RBFOX1: variants seen among roughly 807,000 people sequenced by gnomAD.
RBFOX1 encodes RNA binding fox-1 homolog 1, also known as RNA binding protein fox-1 homolog 1.
A neutral mutation model predicts 57.7 loss-of-function variants in RBFOX1; 8 were observed. The observed-to-expected ratio is 0.14, with a 90% CI of 0.08 to 0.25. The LOEUF (loss-of-function observed/expected upper bound fraction) is 0.25, where lower values mean the gene tolerates loss of function less well. RBFOX1 is among the 10% of genes least tolerant of loss of function. The pLI is 1.00. For missense variants in RBFOX1, 611 were observed against 548.5 expected (o/e 1.11, Z -1.14); for synonymous variants, 326 against 222.4 (o/e 1.47, Z -4.15).
chr16:5,526,528 A>T (rs2044252778), intron 2 of RBFOX1, among the ~76,000 whole-genome samples: 1 of 152,082 alleles, frequency 6.6e-6, no homozygotes, highest in Non-Finnish European at 1.5e-5. Context: ...GCCTCAAGAG[A>T]TCTGCCCACC....
chr16:6,171,828 A>T, intron 1 of RBFOX1, among the ~76,000 whole-genome samples: 1 of 151,418 alleles, frequency 6.6e-6, no homozygotes, highest in African/African-American at 2.4e-5. Flanking sequence ...TTATTTATTT[A>T]TTTATTCTTT....
intron 5 of RBFOX1, among the ~76,000 whole-genome samples, chr16:7,526,370 G>A (rs1296491443): frequency 6.6e-6 from 1 of 152,156 alleles, no homozygotes; most frequent in African/African-American, 2.4e-5. Context: ...GGTCAGTTAA[G>A]GCCTGGCCTC....
intron 1 of RBFOX1, among the ~76,000 whole-genome samples, chr16:6,185,722 G>T (rs554481182): frequency 6.6e-6 from 1 of 152,180 alleles, no homozygotes; most frequent in South Asian, 2.1e-4. Flanking sequence ...AATAAAACTT[G>T]GAGAAAGACT....
At chr16:6,896,641 A>G (rs572394251) in intron 3 of RBFOX1, among the ~76,000 whole-genome samples, 7 of 152,314 alleles carry the variant, frequency 4.6e-5, no homozygotes, top group African/African-American at 1.4e-4. Context: ...TTTCAAACGC[A>G]CTTAGAACAG....
chr16:5,994,373 G>A (rs1215583392), intron 4 of RBFOX1, among the ~76,000 whole-genome samples: 1 of 152,212 alleles, frequency 6.6e-6, no homozygotes, highest in Non-Finnish European at 1.5e-5. Flanking sequence ...TATTGGCCAG[G>A]CTGGTCTCGA....
chr16:5,723,330 T>G (rs187932319), intron 3 of RBFOX1, among the ~76,000 whole-genome samples: 11 of 152,310 alleles, frequency 7.2e-5, no homozygotes, highest in Admixed American at 7.2e-4. Flanking sequence ...ATCTCAGGTC[T>G]GATTTTGAGA....
At chr16:6,545,773 G>T (rs999510664) in intron 2 of RBFOX1, among the ~76,000 whole-genome samples, 2 of 152,200 alleles carry the variant, frequency 1.3e-5, no homozygotes, top group African/African-American at 4.8e-5. Context: ...TGGCATCTTT[G>T]TGAGGAAGGC....
At chr16:5,997,382 A>G (rs1000750736) in intron 4 of RBFOX1, among the ~76,000 whole-genome samples, 4 of 152,240 alleles carry the variant, frequency 2.6e-5, no homozygotes, top group African/African-American at 4.8e-5. Flanking sequence ...GTCTGAAAGC[A>G]TCATGAATTT....
At chr16:7,139,158 GA>G (rs1427815701) in intron 4 of RBFOX1, among the ~76,000 whole-genome samples, 3 of 59,456 alleles carry the variant, frequency 5.0e-5, no homozygotes, top group Non-Finnish European at 1.1e-4. Context: ...TTATAATGCA[GA>G]TGAAATCAAT....
intron 3 of RBFOX1, among the ~76,000 whole-genome samples, chr16:6,822,119 C>G (rs1341768296): frequency 6.6e-6 from 1 of 152,178 alleles, no homozygotes; most frequent in East Asian, 1.9e-4. Flanking sequence ...GGGAGACAGA[C>G]TGAGAAAGGA....
intron 2 of RBFOX1, among the ~76,000 whole-genome samples, chr16:6,650,056 C>T (rs1558569): frequency 0.53 from 79,836 of 151,920 alleles, 21,468 homozygotes; most frequent in Admixed American, 0.67. Context: ...CTTTGACATA[C>T]GGATTTCATT....
chr16:7,003,293 C>G (rs193007932), intron 3 of RBFOX1, among the ~76,000 whole-genome samples: 2 of 152,054 alleles, frequency 1.3e-5, no homozygotes, highest in Admixed American at 6.5e-5. Flanking sequence ...ACCCCCGTCT[C>G]TACTAAAAGT....
intron 2 of RBFOX1, among the ~76,000 whole-genome samples, chr16:6,358,640 A>G (rs963543489): frequency 4.6e-5 from 7 of 152,202 alleles, no homozygotes; most frequent in African/African-American, 1.7e-4. Flanking sequence ...AGCAGGAGGT[A>G]GATACTATTA....
intron 2 of RBFOX1, among the ~76,000 whole-genome samples, chr16:6,400,086 A>G (rs1055489264): frequency 1.3e-5 from 2 of 152,200 alleles, no homozygotes; most frequent in African/African-American, 2.4e-5. Context: ...AGGTGATTTG[A>G]ACAACACTAT....
intron 1 of RBFOX1, among the ~76,000 whole-genome samples, chr16:5,394,613 G>A (rs746982936): frequency 4.0e-4 from 59 of 148,180 alleles, no homozygotes; most frequent in Non-Finnish European, 7.6e-4. Flanking sequence ...CCAGGCTGGA[G>A]TGTAGTGGTA....
intron 1 of RBFOX1, among the ~76,000 whole-genome samples, chr16:5,441,407 T>C (rs997593406): frequency 2.1e-5 from 3 of 141,438 alleles, no homozygotes; most frequent in African/African-American, 7.9e-5. Flanking sequence ...CAGTGTCACC[T>C]AGGCTAGAGT....
At chr16:7,261,000 A>C (rs2094898104) in intron 4 of RBFOX1, among the ~76,000 whole-genome samples, 1 of 152,154 alleles carries the variant, frequency 6.6e-6, no homozygotes, top group Non-Finnish European at 1.5e-5. Flanking sequence ...GAGTCACTTC[A>C]GGGGATGGTG....
intron 2 of RBFOX1, among the ~76,000 whole-genome samples, chr16:5,482,038 C>T (rs898964836): frequency 6.6e-5 from 10 of 152,204 alleles, no homozygotes; most frequent in Admixed American, 4.6e-4. Flanking sequence ...CCATAACAGC[C>T]TCTTCTTAGG....
At chr16:5,294,904 C>A (rs896335879) in intron 1 of RBFOX1, among the ~76,000 whole-genome samples, 1 of 150,644 alleles carries the variant, frequency 6.6e-6, no homozygotes, top group South Asian at 2.1e-4. Context: ...GTGGTGCACG[C>A]CTTTGATCCC....
Sources: allele counts gnomAD v4.1 joint callset (sites outside exome capture counted in the v4.1 genomes callset), GRCh38; gene constraint gnomAD v4.1.1; transcripts MANE v1.5; gene names NCBI Gene and HGNC (gene_info 2026-07-23, HGNC 2026-07-21).